Variants in EIF4G1 observed in about 807,000 individuals in gnomAD.
EIF4G1 encodes eukaryotic translation initiation factor 4 gamma 1, also known as EIF4-gamma.
Under a neutral mutation model 187.8 loss-of-function variants are expected in EIF4G1, and 4 were observed. The ratio of observed to expected loss-of-function variants is 0.02; its 90% CI spans 0.01 to 0.05. EIF4G1 has a LOEUF of 0.05. Among genes scored for constraint, EIF4G1 ranks in the 10% least tolerant of loss-of-function variants. The probability of loss-of-function intolerance (pLI) is 1.00; values close to 1 mark genes in which losing one functional copy is unlikely to be tolerated. For synonymous variants in EIF4G1, 844 were observed against 781.4 expected (o/e 1.08, Z -1.34); for missense variants, 1,647 against 2,081.1 (o/e 0.79, Z 4.06).
Position 184,328,614 on chromosome 3 carries a change from T to C in EIF4G1, c.3954-17T>C. On this transcript the variant is annotated splice_polypyrimidine_tract_variant and intron_variant, in intron 26 of 32. Coordinates refer to ENST00000346169, the MANE Select transcript of EIF4G1 (RefSeq NM_198241.3). ...GGACCTGGCCTAGAATGTCTTGACT[T>C]TGAATTCCCTTGGCAGGTTGTATGA... 1.2e-6 allele frequency: 2 copies of C among 1,614,156 alleles called. No individual in the cohort carries two copies. Among genetic ancestry groups the C allele is most frequent in the Non-Finnish European group, 1.7e-6 (2 of 1,180,012 alleles).
At chr3:184,321,259 C>T (rs773678303) in intron 9 of EIF4G1, 23 bp from the exon 10 acceptor site, 2 of 1,613,994 alleles carry the variant, frequency 1.2e-6, no homozygotes, top group Non-Finnish European at 8.5e-7. Flanking sequence ...TTTAGTTGCT[C>T]ATTCTTCCTT....
intron 32 of EIF4G1, 47 bp downstream of exon 32, chr3:184,332,133 G>A (rs1368090373): frequency 3.7e-6 from 6 of 1,613,850 alleles, no homozygotes; most frequent in Non-Finnish European, 4.2e-6. Flanking sequence ...GGGACTGCCA[G>A]ATAGCAGGGC....
chr3:184,320,574 G>A, intron 7 of EIF4G1, 56 bp from the exon 8 acceptor site: 1 of 1,613,478 alleles, frequency 6.2e-7, no homozygotes, highest in East Asian at 2.2e-5. Flanking sequence ...ATTGGGGCAG[G>A]GTGGAGAGGT....
At chr3:184,317,069 G>T (rs992545468) in intron 4 of EIF4G1, among the ~76,000 whole-genome samples, 1 of 152,196 alleles carries the variant, frequency 6.6e-6, no homozygotes, top group African/African-American at 2.4e-5. Context: ...TAGAGGTGAC[G>T]TGTGTATGCA....
intron 32 of EIF4G1, among the ~76,000 whole-genome samples, chr3:184,332,488 G>C (rs1012892892): frequency 6.6e-6 from 1 of 152,198 alleles, no homozygotes; most frequent in Non-Finnish European, 1.5e-5. Flanking sequence ...GGAGACTGAG[G>C]TCTCAGTGAA....
chr3:184,316,089 C>T (rs1359688166), intron 3 of EIF4G1, 43 bp from the exon 4 acceptor site: 5 of 1,613,056 alleles, frequency 3.1e-6, no homozygotes, highest in Middle Eastern at 1.6e-4. Context: ...TTCTGCCCCA[C>T]CTGGGCTTCC....
In EIF4G1 at chr3:184,327,378, G is replaced by T; in HGVS notation, c.3591G>T (p.Arg1197=). Residue 1197 remains arginine, a synonymous_variant, in exon 24 of 33, where the codon CGG becomes CGT. Transcript: ENST00000346169. ...SKEVEERSRE[R]PSQPEGLRKA... ...AAGTGGAGGAGCGGAGTAGAGAACG[G>T]CCCTCCCAGCCTGAGGGGCTGCGCA... 6.2e-7 allele frequency: 1 copy of T among 1,613,534 alleles called. No homozygotes were observed. Among genetic ancestry groups the T allele is most frequent in the Non-Finnish European group, 8.5e-7 (1 of 1,180,040 alleles).
chr3:184,319,881 A>G (rs1723556400), intron 7 of EIF4G1, 80 bp downstream of exon 7: 2 of 1,059,380 alleles, frequency 1.9e-6, no homozygotes, highest in Admixed American at 4.0e-5. Context: ...TGTGCCGGAA[A>G]GAGCAGTGAC....
intron 16 of EIF4G1, 55 bp downstream of exon 16, chr3:184,324,032 A>G: frequency 1.2e-6 from 2 of 1,610,946 alleles, no homozygotes; most frequent in Non-Finnish European, 1.7e-6. Flanking sequence ...TCCTATTCCC[A>G]AGACTCCTTG....
intron 7 of EIF4G1, 90 bp downstream of exon 7, chr3:184,319,891 C>T: frequency 1.0e-6 from 1 of 966,542 alleles, no homozygotes; most frequent in Non-Finnish European, 1.6e-6. Flanking sequence ...AGAGCAGTGA[C>T]TTGAGGAGGA....
Position 184,323,211 on chromosome 3 carries a change from T to G in EIF4G1, c.2058T>G (p.Gly686=). 6.2e-7 allele frequency: 1 copy of G among 1,614,070 alleles called. No individual in the cohort carries two copies. The highest frequency in any genetic ancestry group is 8.5e-7 in the Non-Finnish European group (1 of 1,179,978). The change falls in exon 14 of 33, where the codon GGT becomes GGG. Residue 686 remains glycine (G), a synonymous_variant. Transcript: ENST00000346169. The surrounding 1 kb of genome is among the most constrained non-coding windows in gnomAD (Gnocchi z 6.9). ...TTAGCACCCGTGGGCCCCCAAGGGG[T>G]GGGCCAGGTGGGGAGCTGCCCCGTG... The part of the protein sequence containing the change: ...TTLSTRGPPR[G]GPGGELPRGP...
intron 28 of EIF4G1, among the ~76,000 whole-genome samples, chr3:184,330,256 G>A (rs1725790407): frequency 6.6e-6 from 1 of 152,152 alleles, no homozygotes; most frequent in South Asian, 2.1e-4. Flanking sequence ...GTGCGCACCT[G>A]TAGTCCCAGC....
Position 184,325,701 on chromosome 3 carries a change from C to G in EIF4G1, c.3121+62C>G. 6.2e-7 allele frequency: 1 copy of G among 1,613,614 alleles called. No individual in the cohort carries two copies. Among genetic ancestry groups the G allele is most frequent in the Non-Finnish European group, 8.5e-7 (1 of 1,179,638 alleles). Reference sequence around the variant, plus strand: ...AGGGACCGGGAGGTTATACTTTCCTCTGATGACTTCCTGTTAGTGCCACGT... The same window carrying G: ...AGGGACCGGGAGGTTATACTTTCCTGTGATGACTTCCTGTTAGTGCCACGT... On this transcript the variant is annotated intron_variant, in intron 20 of 32. Transcript: ENST00000346169. This position sits in a 1 kb window ranked among gnomAD's most constrained non-coding sequence, Gnocchi z 5.2.
At chr3:184,319,520 C>G (rs928449753) in intron 6 of EIF4G1, 169 bp from the exon 7 acceptor site, 3 of 641,776 alleles carry the variant, frequency 4.7e-6, no homozygotes, top group Non-Finnish European at 8.8e-6. Context: ...GACTGGTTCC[C>G]CAGCTTTGAC....
Position 184,324,338 on chromosome 3 carries a change from A to G in EIF4G1, c.2610A>G (p.Glu870=). The G allele has an allele frequency of 6.2e-7, 1 of 1,614,238 alleles. No homozygotes were observed. The part of the protein sequence containing the change: ...VFEKKQKEMD[E]AATAEERGRL... ...AGAAGAAGCAAAAAGAGATGGATGA[A>G]GCTGCTACGGTGAGAGAAAACCCAC... Residue 870 remains glutamate (E), a synonymous_variant, in exon 17 of 33, where the codon GAA becomes GAG. Transcript: ENST00000346169.
chr3:184,334,847 A>T lies in EIF4G1; in HGVS notation c.4739A>T (p.Lys1580Ile). Residue 1580 changes from lysine to isoleucine, a missense_variant, in exon 33 of 33, where the codon AAA becomes ATA. This residue lies in a region of EIF4G1 where 543 missense variants were observed against 638.0 expected (regional missense o/e 0.85). Transcript: ENST00000346169. The surrounding 1 kb of genome is among the most constrained non-coding windows in gnomAD (Gnocchi z 5.8). ...AEQQGKGVAL[K>I]SVTAFFKWLR... ...CAGCAGGGCAAGGGTGTGGCCCTTA[A>T]ATCTGTCACAGCCTTCTTCAAGTGG... 1 of 1,614,210 alleles carries T rather than the reference A, an allele frequency of 6.2e-7. No homozygotes were observed. Among genetic ancestry groups the T allele is most frequent in the Non-Finnish European group, 8.5e-7 (1 of 1,180,030 alleles).
rs1238818437 is a variant in EIF4G1, at chr3:184,328,986, G to A, written c.4157G>A (p.Ser1386Asn). ...GAGATCCTGGGCCTCCTGTGCAAAA[G>A]CATGGTGAGTGAGGGCCAGGAGTCC... Reference protein sequence around the residue: ...LLEILGLLCKSMGPKKVGTLW... With the variant: ...LLEILGLLCKNMGPKKVGTLW... Residue 1386 changes from serine to asparagine, a missense_variant, in exon 28 of 33, where the codon AGC (serine) becomes AAC (asparagine). Physicochemically the swap from Ser to Asn is conservative, Grantham distance 46. Transcript: ENST00000346169. 3 of 1,614,046 alleles carry A rather than the reference G, an allele frequency of 1.9e-6. No individual in the cohort carries two copies. In the African/African-American group the frequency reaches 4.0e-5, roughly 22 times the overall value.
rs1725261560 is a variant in EIF4G1, at chr3:184,327,958, G to A, written c.3909G>A (p.Gln1303=). 1.2e-6 allele frequency: 2 copies of A among 1,610,174 alleles called. No homozygotes were observed. The highest frequency in any genetic ancestry group is 2.2e-5 in the East Asian group (1 of 44,872). ...AGCATATGGGGCAGCTGCTGCACCA[G>A]CTGCTCTGTGCTGGGCATCTGTCTA... ...AREHMGQLLH[Q]LLCAGHLSTA... is the part of the protein sequence containing the mutation. The change falls in exon 26 of 33, where the codon CAG becomes CAA. Residue 1303 remains glutamine (Q), a synonymous_variant. Coordinates refer to ENST00000346169, the MANE Select transcript of EIF4G1 (RefSeq NM_198241.3).
Position 184,319,693 on chromosome 3 carries a change from C to A in EIF4G1, c.429C>A (p.Gly143=). The A allele has an allele frequency of 6.3e-7, 1 of 1,588,474 alleles. No individual in the cohort carries two copies. The highest frequency in any genetic ancestry group is 8.6e-7 in the Non-Finnish European group (1 of 1,166,690). ...CTCCGTCCCCCCTCCCCCAAGCTGG[C>A]GCCTACTATCCAGCCCAAGGGGTGC... The part of the protein sequence containing the change: ...ASPTEFGTYA[G]AYYPAQGVQQ... The change falls in exon 7 of 33, where the codon GGC becomes GGA. Residue 143 remains glycine, a synonymous_variant. Transcript: ENST00000346169.
Sources: allele counts gnomAD v4.1 joint callset (sites outside exome capture counted in the v4.1 genomes callset), GRCh38; gene constraint gnomAD v4.1.1; regional missense constraint gnomAD v4.1.1; non-coding constraint Gnocchi (gnomAD v3.1); transcripts MANE v1.5; gene names NCBI Gene and HGNC (gene_info 2026-07-23, HGNC 2026-07-21).